Variants in DDHD2 observed in about 807,000 individuals in gnomAD.
DDHD2 encodes DDHD domain containing 2, also known as triacylglycerol hydrolase DDHD2.
DDHD2 carries 62 observed loss-of-function variants against 91.2 expected under a neutral mutation model. The ratio of observed to expected loss-of-function variants is 0.68; its 90% CI spans 0.55 to 0.84. DDHD2 has a LOEUF of 0.84. DDHD2 is among the 40% of genes least tolerant of loss of function. The pLI is 0.00. For missense variants in DDHD2, 740 were observed against 846.9 expected (o/e 0.87, Z 1.57); for synonymous variants, 271 against 293.9 (o/e 0.92, Z 0.80).
Position 38,251,991 on chromosome 8 carries a change from C to T in DDHD2, c.1424C>T (p.Thr475Ile), listed in dbSNP as rs2130847879. 6.2e-7 allele frequency: 1 copy of T among 1,614,148 alleles called. No homozygotes were observed. Among genetic ancestry groups the T allele is most frequent in the East Asian group, 2.2e-5 (1 of 44,886 alleles). The change falls in exon 12 of 18, where the codon ACT becomes ATT. Residue 475 changes from threonine to isoleucine, a missense_variant. By Grantham distance (89) the Thr-to-Ile change is moderately conservative. This residue lies in a region of DDHD2 where 693 missense variants were observed against 764.2 expected (regional missense o/e 0.91). Coordinates refer to ENST00000397166, the MANE Select transcript of DDHD2 (RefSeq NM_015214.3). ...KESEFCSSSN[T>I]RNGDYLDVGI... ...TCTGAGTTCTGCAGTAGCAGTAATA[C>T]TAGAAATGGTGACTATCTGGATGTT...
intron 10 of DDHD2, 70 bp downstream of exon 10, chr8:38,247,905 G>A: frequency 6.5e-6 from 8 of 1,226,506 alleles, no homozygotes; most frequent in Non-Finnish European, 8.9e-6. Flanking sequence ...TTTACTAAGA[G>A]CCTACCCTTT....
chr8:38,238,464 T>A, intron 5 of DDHD2: 1 of 1,194,142 alleles, frequency 8.4e-7, no homozygotes, highest in Non-Finnish European at 1.0e-6. Flanking sequence ...ACAGATGAAC[T>A]GATTTAGTCC....
intron 7 of DDHD2, among the ~76,000 whole-genome samples, chr8:38,245,125 T>G (rs1307251542): frequency 6.6e-6 from 1 of 151,948 alleles, no homozygotes; most frequent in African/African-American, 2.4e-5. Flanking sequence ...TTAGTTGATA[T>G]GTCTTTTATT....
intron 16 of DDHD2, chr8:38,255,212 A>G: frequency 3.6e-6 from 1 of 278,926 alleles, no homozygotes; most frequent in Non-Finnish European, 7.0e-6. Flanking sequence ...AAAAAAAAAA[A>G]AGCAAGCTCA....
rs1804950756 is a variant in DDHD2 at position 38,238,127 on chromosome 8, T to C, written c.540T>C (p.Asp180=). Reference sequence around the variant, plus strand: ...ACCAGCCAGTTGCAGGGTCTGATGATTGGGGTTCAACACCCACGGAGCAGG... The same window carrying C: ...ACCAGCCAGTTGCAGGGTCTGATGACTGGGGTTCAACACCCACGGAGCAGG... ...VHYQPVAGSD[D]WGSTPTEQGR... is the part of the protein sequence containing the mutation. Residue 180 remains aspartate, a synonymous_variant, in exon 5 of 18, where the codon GAT becomes GAC. Coordinates refer to ENST00000397166, the MANE Select transcript of DDHD2 (RefSeq NM_015214.3). 5 of 1,613,496 alleles carry C rather than the reference T, an allele frequency of 3.1e-6. No homozygotes were observed. The highest frequency in any genetic ancestry group is 4.2e-6 in the Non-Finnish European group (5 of 1,179,832).
In DDHD2 at chr8:38,236,254, C is replaced by T. The variant is rs1057276347; in HGVS notation, c.412-1284C>T. 6.6e-5 allele frequency among the ~76,000 whole-genome samples: 10 copies of T among 152,156 alleles called. No homozygotes were observed. The South Asian group carries it at 1.0e-3, about 16-fold the overall frequency. On this transcript the variant is annotated intron_variant, in intron 3 of 17. Transcript: ENST00000397166. The stretch of plus-strand genomic sequence containing the variant: ...GTCTCAAGCTCCTGACCTCGTGATC[C>T]GCCCGCCTCGGCCTCCCAAAGTGCT...
chr8:38,234,268 G>T, intron 2 of DDHD2, 126 bp from the exon 3 acceptor site: 1 of 609,370 alleles, frequency 1.6e-6, no homozygotes, highest in South Asian at 4.3e-5. Flanking sequence ...TTTGTTTGGT[G>T]TTTAGTCAAG....
intron 7 of DDHD2, among the ~76,000 whole-genome samples, chr8:38,244,977 A>G (rs1805511328): frequency 6.6e-6 from 1 of 151,588 alleles, no homozygotes; most frequent in African/African-American, 2.4e-5. Context: ...CCAGTTGTCT[A>G]TTATATTTTT....
At chr8:38,255,157 C>T (rs1209350098) in intron 16 of DDHD2, among the ~76,000 whole-genome samples, 7 of 144,732 alleles carry the variant, frequency 4.8e-5, no homozygotes, top group Admixed American at 4.4e-4. Flanking sequence ...TCACGGCCAC[C>T]GCAGTCCAGC....
In DDHD2 at chr8:38,259,216, T is replaced by G. The variant is rs541062219; in HGVS notation, c.2055-824T>G. 6.1e-5 allele frequency among the ~76,000 whole-genome samples: 9 copies of G among 146,566 alleles called. No homozygotes were observed. The South Asian group carries it at 1.9e-3, about 31-fold the overall frequency. ...GGAACAATTCTTGGTTATTTCTTAC[T>G]GGCTTTTTTTTTTTTTGAAATGGAG... On this transcript the variant is annotated intron_variant, in intron 16 of 17. Coordinates refer to ENST00000397166, the MANE Select transcript of DDHD2 (RefSeq NM_015214.3).
Position 38,261,218 on chromosome 8 carries a change from C to T in DDHD2, c.*645C>T, listed in dbSNP as rs979622329. The T allele has an allele frequency of 2.6e-5, 4 of 152,270 alleles. No individual in the cohort carries two copies. Among genetic ancestry groups the T allele is most frequent in the South Asian group, 2.1e-4 (1 of 4,812 alleles). 9.4% of individuals were successfully genotyped at this position (152,270 alleles called of 1,614,324 possible). ...CTTATTGCCAGAAATCACTGATGTT[C>T]ATTGTTTTTGCAACTGTTTGAGCTG... On this transcript the variant is annotated 3_prime_UTR_variant, in exon 18 of 18. Coordinates refer to ENST00000397166, the MANE Select transcript of DDHD2 (RefSeq NM_015214.3).
chr8:38,235,421 G>A (rs1265431181), intron 3 of DDHD2, among the ~76,000 whole-genome samples: 1 of 151,342 alleles, frequency 6.6e-6, no homozygotes, highest in Non-Finnish European at 1.5e-5. Flanking sequence ...GTTTTAAGGT[G>A]TAAAAAAAGA....
Position 38,238,080 on chromosome 8 carries a change from C to T in DDHD2, c.502-9C>T, listed in dbSNP as rs375704564. The T allele has an allele frequency of 3.1e-5, 50 of 1,600,440 alleles. No individual in the cohort carries two copies. In the African/African-American group the frequency reaches 5.9e-4, roughly 19 times the overall value. On this transcript the variant is annotated splice_polypyrimidine_tract_variant and intron_variant, in intron 4 of 17. Transcript: ENST00000397166. ...AATATTTTTATTGCTCTGATCTGTTCTGTTTAAGCTTATGGTGCATTACCA... is the reference window on the plus strand; with the variant it reads ...AATATTTTTATTGCTCTGATCTGTTTTGTTTAAGCTTATGGTGCATTACCA...
intron 7 of DDHD2, among the ~76,000 whole-genome samples, chr8:38,244,849 C>G (rs1805503257): frequency 6.6e-6 from 1 of 152,144 alleles, no homozygotes; most frequent in Non-Finnish European, 1.5e-5. Flanking sequence ...CAGGCGTGAG[C>G]CACCGCTCCT....
chr8:38,268,819 G>A, intron 1 of DDHD2: 1 of 1,464,342 alleles, frequency 6.8e-7, no homozygotes, highest in South Asian at 1.4e-5. Flanking sequence ...GGTGGAAAAC[G>A]CACAGGTGCC....
At chr8:38,259,736 G>A (rs1806826160) in intron 16 of DDHD2, among the ~76,000 whole-genome samples, 1 of 152,072 alleles carries the variant, frequency 6.6e-6, no homozygotes, top group South Asian at 2.1e-4. Context: ...GGCCAGGCTG[G>A]CTCAAATTCC....
At chr8:38,233,262 A>T (rs777331485) in intron 2 of DDHD2, 48 bp downstream of exon 2, 1 of 1,451,826 alleles carries the variant, frequency 6.9e-7, no homozygotes, top group Non-Finnish European at 9.5e-7. Context: ...TCCCCTCTTC[A>T]AACTATAATA....
chr8:38,252,172 T>C lies in DDHD2; in HGVS notation c.1502T>C (p.Ile501Thr), dbSNP rs1397833145. The C allele has an allele frequency of 3.1e-6, 5 of 1,614,194 alleles. No individual in the cohort carries two copies. The highest frequency in any genetic ancestry group is 3.4e-6 in the Non-Finnish European group (4 of 1,180,032). Reference sequence around the variant, plus strand: ...CCCCGGCTCATCTATAAACCAGAGATATTCTTTGCCTTTGGATCTCCCATT... The same window carrying C: ...CCCCGGCTCATCTATAAACCAGAGACATTCTTTGCCTTTGGATCTCCCATT... Reference protein sequence around the residue: ...KYPRLIYKPEIFFAFGSPIGM... With the variant: ...KYPRLIYKPETFFAFGSPIGM... Residue 501 changes from isoleucine (I) to threonine (T), a missense_variant, in exon 13 of 18, where the codon ATA becomes ACA. Physicochemically the swap from Ile to Thr is moderately conservative, Grantham distance 89. Transcript: ENST00000397166.
At chr8:38,245,695 T>C (rs1342891430) in intron 7 of DDHD2, 47 bp from the exon 8 acceptor site, 2 of 1,503,914 alleles carry the variant, frequency 1.3e-6, no homozygotes, top group Non-Finnish European at 1.8e-6. Context: ...GAAGCAGCTA[T>C]TAAGTGTATT....
Sources: allele counts gnomAD v4.1 joint callset (sites outside exome capture counted in the v4.1 genomes callset), GRCh38; gene constraint gnomAD v4.1.1; regional missense constraint gnomAD v4.1.1; transcripts MANE v1.5; gene names NCBI Gene and HGNC (gene_info 2026-07-23, HGNC 2026-07-21).